HPSE2: variants seen among roughly 807,000 people sequenced by gnomAD.
The protein encoded by HPSE2 is heparanase 2 (inactive), also known as inactive heparanase-2.
Under a neutral mutation model 60.5 loss-of-function variants are expected in HPSE2, and 38 were observed. That is an observed-to-expected ratio of 0.63 (90% CI 0.48 to 0.82). HPSE2 has a LOEUF of 0.82. HPSE2 is among the 40% of genes least tolerant of loss of function. The pLI, the probability that HPSE2 is intolerant of heterozygous loss-of-function variation, is 0.00. For synonymous variants in HPSE2, 295 were observed against 293.2 expected (o/e 1.01, Z -0.06); for missense variants, 713 against 740.4 (o/e 0.96, Z 0.43).
chr10:98,775,255 A>G (rs1453565314), intron 3 of HPSE2, among the ~76,000 whole-genome samples: 1 of 152,158 alleles, frequency 6.6e-6, no homozygotes, highest in African/African-American at 2.4e-5. Flanking sequence ...CTGATATATG[A>G]TCATCTTTCT....
intron 3 of HPSE2, among the ~76,000 whole-genome samples, chr10:98,920,885 C>A (rs1954263633): frequency 1.3e-5 from 2 of 152,192 alleles, no homozygotes; most frequent in Non-Finnish European, 2.9e-5. Context: ...GTTCATCCAC[C>A]TTCTCAGGAG....
chr10:98,561,291 C>T (rs532324975), intron 9 of HPSE2, among the ~76,000 whole-genome samples: 17 of 151,898 alleles, frequency 1.1e-4, no homozygotes, highest in East Asian at 3.9e-4. Context: ...CTCAGTCTCC[C>T]GAGTAGGAAA....
chr10:98,989,507 G>A (rs1202505636), intron 3 of HPSE2, among the ~76,000 whole-genome samples: 1 of 141,712 alleles, frequency 7.1e-6, no homozygotes, highest in Non-Finnish European at 1.5e-5. Flanking sequence ...GGGGTGGGGG[G>A]AGGGGGGAGG....
At chr10:99,306,055 GA>G in the HPSE2 span, among the ~76,000 whole-genome samples, 110 of 144,712 alleles carry the variant, frequency 7.6e-4, no homozygotes, top group African/African-American at 2.7e-3. Flanking sequence ...GAAGAGAGAA[GA>G]AAAAAAATGA....
chr10:98,842,541 T>TAAAA lies in HPSE2; in HGVS notation c.611-98489_611-98486dup, dbSNP rs200946689. Among the ~76,000 whole-genome samples, 491 of 135,338 alleles carry TAAAA rather than the reference T, an allele frequency of 3.6e-3. 7 individuals carry two copies. The highest frequency in any genetic ancestry group is 9.9e-3 in the African/African-American group (361 of 36,552). 88.8% of individuals were successfully genotyped at this position (135,338 alleles called of 152,430 possible). On this transcript the variant is annotated intron_variant, in intron 3 of 11. Transcript: ENST00000370552. ...CTTCTTTTTTGTTTTTAAGTGTCTT[T>TAAAA]AAAAAAAAAAAAAAAGCAGTTTTGG...
intron 3 of HPSE2, among the ~76,000 whole-genome samples, chr10:99,064,029 G>T (rs7096057): frequency 0.011 from 1,720 of 152,240 alleles, 35 homozygotes; most frequent in African/African-American, 0.039. Flanking sequence ...GGAGTCGGAG[G>T]TTGCAGTGAG....
chr10:98,762,742 C>A (rs1337287685), intron 3 of HPSE2, among the ~76,000 whole-genome samples: 1 of 151,710 alleles, frequency 6.6e-6, no homozygotes, highest in Non-Finnish European at 1.5e-5. Context: ...CAGGTTCTGA[C>A]AATGTAACAT....
At chr10:99,003,433 C>T (rs1307173305) in intron 3 of HPSE2, among the ~76,000 whole-genome samples, 1 of 152,038 alleles carries the variant, frequency 6.6e-6, no homozygotes, top group Non-Finnish European at 1.5e-5. Context: ...TTCTATTTTT[C>T]ATAATAATTA....
chr10:98,887,498 T>G (rs929661790), intron 3 of HPSE2, among the ~76,000 whole-genome samples: 1 of 151,916 alleles, frequency 6.6e-6, no homozygotes, highest in Non-Finnish European at 1.5e-5. Flanking sequence ...GCAAGAAGGG[T>G]ATACAGAGAA....
At chr10:99,043,195 C>T (rs747083476) in intron 3 of HPSE2, among the ~76,000 whole-genome samples, 52 of 152,136 alleles carry the variant, frequency 3.4e-4, no homozygotes, top group Admixed American at 7.9e-4. Flanking sequence ...GGTTCTTAAA[C>T]AGCTGGAGGC....
chr10:99,059,285 G>A (rs934469189), intron 3 of HPSE2, among the ~76,000 whole-genome samples: 1 of 152,088 alleles, frequency 6.6e-6, no homozygotes, highest in Non-Finnish European at 1.5e-5. Flanking sequence ...ATCTTACCCA[G>A]AATAGATTTT....
At chr10:98,669,946 C>T (rs1164292706) in intron 6 of HPSE2, among the ~76,000 whole-genome samples, 1 of 152,102 alleles carries the variant, frequency 6.6e-6, no homozygotes, top group African/African-American at 2.4e-5. Context: ...AAAGATTGCT[C>T]TTTTACAAAA....
chr10:98,889,497 T>C (rs1953272430), intron 3 of HPSE2, among the ~76,000 whole-genome samples: 1 of 152,048 alleles, frequency 6.6e-6, no homozygotes, highest in African/African-American at 2.4e-5. Flanking sequence ...CGTGAGCCAC[T>C]GCACCCAGCC....
intron 3 of HPSE2, among the ~76,000 whole-genome samples, chr10:98,949,839 A>G (rs1589415972): frequency 6.6e-6 from 1 of 152,170 alleles, no homozygotes; most frequent in East Asian, 1.9e-4. Flanking sequence ...GTTGCATCCC[A>G]CTGAAGAAAA....
Position 98,896,093 on chromosome 10 carries a change from A to T in HPSE2, c.611-152037T>A, listed in dbSNP as rs12782647. Among the ~76,000 whole-genome samples, 7 of 151,736 alleles carry T rather than the reference A, an allele frequency of 4.6e-5. No individual in the cohort carries two copies. The East Asian group carries it at 7.8e-4, about 17-fold the overall frequency. ...TAAAACTTAAAGTATAATAATAATT[A>T]AAAAAAAGAAAAAAAAAACCTCATC... On this transcript the variant is annotated intron_variant, in intron 3 of 11. Transcript: ENST00000370552.
chr10:98,970,722 T>A (rs1955931515), intron 3 of HPSE2, among the ~76,000 whole-genome samples: 1 of 152,116 alleles, frequency 6.6e-6, no homozygotes, highest in Non-Finnish European at 1.5e-5. Flanking sequence ...TGTGACTTCA[T>A]GAGAGAAAGA....
intron 3 of HPSE2, among the ~76,000 whole-genome samples, chr10:99,123,721 T>C (rs928724001): frequency 3.3e-5 from 5 of 152,222 alleles, no homozygotes; most frequent in Non-Finnish European, 7.3e-5. Flanking sequence ...GGGTAGCTCC[T>C]TTCTACAGGC....
intron 3 of HPSE2, among the ~76,000 whole-genome samples, chr10:98,812,398 C>T (rs898496635): frequency 1.3e-5 from 2 of 152,010 alleles, no homozygotes; most frequent in Admixed American, 1.3e-4. Flanking sequence ...CACAGGAATC[C>T]CCTGTGAACA....
intron 2 of HPSE2, among the ~76,000 whole-genome samples, chr10:99,193,926 T>C (rs1179767494): frequency 6.6e-6 from 1 of 152,076 alleles, no homozygotes; most frequent in Non-Finnish European, 1.5e-5. Context: ...TAATCTGCAC[T>C]AGAGACCCAA....
Sources: allele counts gnomAD v4.1 joint callset (sites outside exome capture counted in the v4.1 genomes callset), GRCh38; gene constraint gnomAD v4.1.1; transcripts MANE v1.5; gene names NCBI Gene and HGNC (gene_info 2026-07-23, HGNC 2026-07-21).